Variants in NTRK3 observed in about 807,000 individuals in gnomAD.
NTRK3 encodes the protein NT-3 growth factor receptor.
Under a neutral mutation model 91.7 loss-of-function variants are expected in NTRK3, and 24 were observed. The observed-to-expected ratio is 0.26, with a 90% CI of 0.19 to 0.37. The LOEUF is 0.37. Among genes scored for constraint, NTRK3 ranks in the 10% least tolerant of loss-of-function variants. The pLI, the probability that NTRK3 is intolerant of heterozygous loss-of-function variation, is 1.00. For synonymous variants in NTRK3, 483 were observed against 404.0 expected, an observed-to-expected ratio of 1.20 and a Z score of -2.34; for missense variants, 880 against 1,068.9, an observed-to-expected ratio of 0.82 and a Z score of 2.46.
chr15:87,981,397 A>C, intron 14 of NTRK3: 1 of 1,613,946 alleles, frequency 6.2e-7, no homozygotes, highest in Non-Finnish European at 8.5e-7. Flanking sequence ...ATTAATGGTC[A>C]GTATTAAACC....
At chr15:88,086,882 G>A (rs767752790) in intron 13 of NTRK3, among the ~76,000 whole-genome samples, 25 of 152,184 alleles carry the variant, frequency 1.6e-4, no homozygotes, top group Admixed American at 7.8e-4. Context: ...CTGAAGGAGG[G>A]AGCTTTTCAG....
exon 19 of NTRK3, chr15:87,871,799 T>C (rs1596038835): frequency 4.5e-6 from 1 of 221,200 alleles, no homozygotes; most frequent in East Asian, 6.6e-5. Context: ...TCCAATCCAA[T>C]ATATAGAAAT....
intron 14 of NTRK3, among the ~76,000 whole-genome samples, chr15:87,973,537 G>T (rs2073439212): frequency 6.6e-6 from 1 of 152,150 alleles, no homozygotes; most frequent in South Asian, 2.1e-4. Context: ...AAGTATAGGG[G>T]GTGGTAACAG....
At chr15:88,111,515 G>A (rs2051354387) in intron 13 of NTRK3, among the ~76,000 whole-genome samples, 1 of 152,216 alleles carries the variant, frequency 6.6e-6, no homozygotes, top group Non-Finnish European at 1.5e-5. Context: ...TGGTTTGTGG[G>A]AAGGCAGGAG....
chr15:88,091,749 G>T (rs537292238), intron 13 of NTRK3, among the ~76,000 whole-genome samples: 1 of 152,126 alleles, frequency 6.6e-6, no homozygotes, highest in African/African-American at 2.4e-5. Context: ...CATATTTGTC[G>T]ACCTGAGGGA....
At chr15:88,078,462 C>T (rs193297518) in intron 13 of NTRK3, among the ~76,000 whole-genome samples, 5 of 152,310 alleles carry the variant, frequency 3.3e-5, no homozygotes, top group Admixed American at 3.3e-4. Context: ...CCAGCCTGGC[C>T]AACATGGCGA....
intron 14 of NTRK3, among the ~76,000 whole-genome samples, chr15:87,967,238 C>T (rs752799776): frequency 3.3e-5 from 5 of 152,076 alleles, no homozygotes; most frequent in Non-Finnish European, 7.4e-5. Context: ...TCTTGCTCCC[C>T]GGGGTATAAA....
chr15:88,086,122 C>G (rs561745806), intron 13 of NTRK3, among the ~76,000 whole-genome samples: 7 of 152,312 alleles, frequency 4.6e-5, no homozygotes, highest in East Asian at 1.9e-4. Flanking sequence ...TAACCAGAAC[C>G]GTTCTCTAGA....
At chr15:88,200,007 C>A (rs1407769144) in intron 3 of NTRK3, among the ~76,000 whole-genome samples, 1 of 152,226 alleles carries the variant, frequency 6.6e-6, no homozygotes, top group East Asian at 1.9e-4. Context: ...TCACGTCCAA[C>A]CCCAATCAGC....
At chr15:88,111,261 G>A (rs574605531) in intron 13 of NTRK3, among the ~76,000 whole-genome samples, 1 of 152,290 alleles carries the variant, frequency 6.6e-6, no homozygotes, top group African/African-American at 2.4e-5. Context: ...GACCTCAGGT[G>A]CAATATGGAA....
intron 17 of NTRK3, among the ~76,000 whole-genome samples, chr15:87,892,083 A>ACACACAC (rs2065880934): frequency 4.9e-5 from 7 of 141,426 alleles, no homozygotes; most frequent in Admixed American, 7.0e-5. Context: ...CCCCATCCCC[A>ACACACAC]ACACACACAC....
intron 13 of NTRK3, among the ~76,000 whole-genome samples, chr15:88,051,668 G>A (rs921286766): frequency 5.3e-5 from 8 of 152,210 alleles, no homozygotes; most frequent in Middle Eastern, 3.4e-3. Context: ...AAATACTTAC[G>A]TAAAGCCCTT....
At chr15:88,012,320 T>A (rs147098969) in intron 14 of NTRK3, among the ~76,000 whole-genome samples, 69 of 152,240 alleles carry the variant, frequency 4.5e-4, no homozygotes, top group Non-Finnish European at 8.8e-4. Context: ...ACACAAACCT[T>A]CTCACTTCCT....
intron 14 of NTRK3, among the ~76,000 whole-genome samples, chr15:88,008,047 C>T (rs185550893): frequency 6.6e-6 from 1 of 152,228 alleles, no homozygotes; most frequent in African/African-American, 2.4e-5. Flanking sequence ...AAAACTATTC[C>T]CATACACTAG....
chr15:88,034,448 C>G (rs1029821190), intron 13 of NTRK3, among the ~76,000 whole-genome samples: 2 of 152,270 alleles, frequency 1.3e-5, no homozygotes. Flanking sequence ...TGTTTGGTGC[C>G]GTGGTTCTCC....
intron 3 of NTRK3, among the ~76,000 whole-genome samples, chr15:88,225,360 C>T (rs1012887460): frequency 3.3e-5 from 5 of 152,124 alleles, no homozygotes; most frequent in African/African-American, 1.2e-4. Context: ...CTCTGTACTA[C>T]CCTGATCCTA....
chr15:88,168,112 A>C (rs943211855), intron 5 of NTRK3, among the ~76,000 whole-genome samples: 2 of 152,196 alleles, frequency 1.3e-5, no homozygotes, highest in African/African-American at 4.8e-5. Context: ...TTGTGTCTTC[A>C]ATCATAATAT....
intron 17 of NTRK3, among the ~76,000 whole-genome samples, chr15:87,902,363 C>T (rs945216495): frequency 6.6e-6 from 1 of 152,228 alleles, no homozygotes; most frequent in Non-Finnish European, 1.5e-5. Context: ...CACTACTGAA[C>T]ATCTAGGTCC....
chr15:87,915,825 T>C (rs528003534), intron 17 of NTRK3, among the ~76,000 whole-genome samples: 1 of 152,222 alleles, frequency 6.6e-6, no homozygotes, highest in Admixed American at 6.5e-5. Context: ...AAGAAATTGT[T>C]TTTTTTTCAG....
Sources: gnomAD v4.1 joint callset for allele counts (sites outside exome capture counted in the v4.1 genomes callset) on GRCh38, gnomAD v4.1.1 for gene constraint, MANE v1.5 for transcripts, NCBI Gene and HGNC (gene_info 2026-07-23, HGNC 2026-07-21) for gene names.